Variants in COL4A6 observed in about 807,000 individuals in gnomAD.
COL4A6 encodes collagen alpha-6(IV) chain.
A neutral mutation model predicts 126.7 loss-of-function variants in COL4A6; 59 were observed. The observed-to-expected ratio is 0.47, with a 90% CI of 0.38 to 0.58. The LOEUF (loss-of-function observed/expected upper bound fraction) is 0.58. Ranked by LOEUF, COL4A6 falls within the 20% of genes least tolerant of loss-of-function variation. The pLI is 0.00. For synonymous variants in COL4A6, 547 were observed against 496.6 expected (o/e 1.10, Z -1.35); for missense variants, 1,285 against 1,337.3 (o/e 0.96, Z 0.61).
chrX:108,347,024 T>C (rs1297995191), intron 2 of COL4A6, among the ~76,000 whole-genome samples: 1 of 112,414 alleles, frequency 8.9e-6, no homozygotes, highest in Non-Finnish European at 1.9e-5. Context: ...TATCATATAC[T>C]TTACAAATTT....
intron 3 of COL4A6, among the ~76,000 whole-genome samples, chrX:108,307,867 C>G (rs1057448688): frequency 9.0e-6 from 1 of 111,553 alleles, no homozygotes; most frequent in Non-Finnish European, 1.9e-5. Flanking sequence ...GATGACTAAA[C>G]AGGACCTGGT....
At chrX:108,250,942 C>G (rs919585874) in intron 3 of COL4A6, among the ~76,000 whole-genome samples, 1 of 111,438 alleles carries the variant, frequency 9.0e-6, no homozygotes, top group Non-Finnish European at 1.9e-5. Context: ...TGTCCGGGGC[C>G]TAGGCTGAAC....
At chrX:108,395,526 C>T (rs1215173098) in intron 2 of COL4A6, among the ~76,000 whole-genome samples, 1 of 111,955 alleles carries the variant, frequency 8.9e-6, no homozygotes, top group African/African-American at 3.2e-5. Flanking sequence ...TTCCTTAACC[C>T]AATATCTAGA....
chrX:108,171,187 T>G (rs759845706), intron 33 of COL4A6, among the ~76,000 whole-genome samples, 200 bp downstream of exon 33: 2 of 112,286 alleles, frequency 1.8e-5, no homozygotes, highest in African/African-American at 6.5e-5. Context: ...TAAGGGGATG[T>G]AGGCCATTAT....
intron 3 of COL4A6, among the ~76,000 whole-genome samples, chrX:108,276,627 T>G (rs1244266109): frequency 8.9e-6 from 1 of 111,966 alleles, no homozygotes; most frequent in Non-Finnish European, 1.9e-5. Flanking sequence ...CTAAACTACA[T>G]CCCTTACTGA....
At chrX:108,291,025 A>G (rs2038147186) in intron 3 of COL4A6, among the ~76,000 whole-genome samples, 1 of 112,193 alleles carries the variant, frequency 8.9e-6, no homozygotes, top group Non-Finnish European at 1.9e-5. Context: ...ATTAAGTCCC[A>G]TGTCTTGGGA....
At chrX:108,219,662 G>A in intron 5 of COL4A6, 36 bp downstream of exon 5, 1 of 1,172,684 alleles carries the variant, frequency 8.5e-7, no homozygotes, top group Non-Finnish European at 1.2e-6. Context: ...AGAACCTAAA[G>A]GAGGATATGA....
intron 2 of COL4A6, among the ~76,000 whole-genome samples, chrX:108,335,166 C>G (rs1037620546): frequency 1.8e-5 from 2 of 112,135 alleles, no homozygotes; most frequent in African/African-American, 6.5e-5. Context: ...TCCTGTGGGC[C>G]ACTTTGGTGG....
At chrX:108,201,310 A>G (rs2035386734) in intron 13 of COL4A6, among the ~76,000 whole-genome samples, 2 of 112,126 alleles carry the variant, frequency 1.8e-5, no homozygotes, top group East Asian at 2.8e-4. Flanking sequence ...CAATCCATGA[A>G]AATCTTGTCA....
intron 7 of COL4A6, 137 bp downstream of exon 7, chrX:108,211,535 C>A: frequency 1.9e-6 from 1 of 520,491 alleles, no homozygotes; most frequent in Non-Finnish European, 3.3e-6. Context: ...GCTCCAGATT[C>A]TTTTGAATCC....
chrX:108,391,287 G>T (rs1056312483), intron 2 of COL4A6, among the ~76,000 whole-genome samples: 1 of 111,903 alleles, frequency 8.9e-6, no homozygotes. Context: ...TGCTGAAGCT[G>T]CACCCACAGC....
At chrX:108,172,359 A>G (rs1373797938) in intron 32 of COL4A6, 110 bp downstream of exon 32, 20 of 465,696 alleles carry the variant, frequency 4.3e-5, no homozygotes, top group Middle Eastern at 6.7e-4. Context: ...GACTCTGCCT[A>G]AAAAAGAAAA....
At chrX:108,202,441 A>G (rs1305975513) in intron 13 of COL4A6, among the ~76,000 whole-genome samples, 4 of 112,094 alleles carry the variant, frequency 3.6e-5, no homozygotes, top group African/African-American at 1.3e-4. Flanking sequence ...GATGAGTGTA[A>G]GGATCTAAGC....
rs140900431 is a variant in COL4A6 at position 108,187,125 on chromosome X, G to A, written c.1922C>T (p.Pro641Leu). ...LPGDKGKDGL[P>L]GQQGLPGSKG... Reference sequence around the variant, plus strand: ...AGATCCGGGAAGGCCTTGTTGTCCCGGTAATCCATCCTTGCCTTTATCTCC... The same window carrying A: ...AGATCCGGGAAGGCCTTGTTGTCCCAGTAATCCATCCTTGCCTTTATCTCC... The change falls in exon 23 of 45, where the codon CCG (proline) becomes CTG (leucine). Residue 641 changes from proline to leucine, a missense_variant. Physicochemically the swap from Pro to Leu is moderately conservative, Grantham distance 98. Coordinates refer to ENST00000334504, the MANE Select transcript of COL4A6 (RefSeq NM_033641.4). 282 of 1,170,343 alleles carry A rather than the reference G, an allele frequency of 2.4e-4. 1 individual carries two copies. The East Asian group carries it at 7.2e-3, about 30-fold the overall frequency.
At chrX:108,418,057 A>G (rs1029960295) in intron 2 of COL4A6, among the ~76,000 whole-genome samples, 1 of 112,359 alleles carries the variant, frequency 8.9e-6, no homozygotes, top group African/African-American at 3.2e-5. Flanking sequence ...AAGAAGTGTT[A>G]GATCACCAAG....
chrX:108,189,107 C>G, intron 20 of COL4A6, among the ~76,000 whole-genome samples: 1 of 112,392 alleles, frequency 8.9e-6, no homozygotes, highest in Non-Finnish European at 1.9e-5. Flanking sequence ...GAAGAGGTAT[C>G]AAGGAGTCAC....
intron 8 of COL4A6, 44 bp downstream of exon 8, chrX:108,209,925 T>C (rs1291654972): frequency 8.4e-7 from 1 of 1,193,131 alleles, no homozygotes; most frequent in Non-Finnish European, 1.1e-6. Context: ...CCATTAGTGA[T>C]TTTTAGTCAA....
intron 27 of COL4A6, among the ~76,000 whole-genome samples, 172 bp downstream of exon 27, chrX:108,178,512 C>T (rs2148114558): frequency 8.9e-6 from 1 of 112,529 alleles, no homozygotes; most frequent in East Asian, 2.8e-4. Flanking sequence ...GCAATCTGTT[C>T]TGCTTGGTAC....
chrX:108,282,317 C>G (rs1285999741), intron 3 of COL4A6, among the ~76,000 whole-genome samples: 1 of 104,159 alleles, frequency 9.6e-6, no homozygotes, highest in Non-Finnish European at 2.0e-5. Context: ...ACAAACAACC[C>G]CATCAAAAAG....
Sources: allele counts gnomAD v4.1 joint callset (sites outside exome capture counted in the v4.1 genomes callset), GRCh38; gene constraint gnomAD v4.1.1; transcripts MANE v1.5; gene names NCBI Gene and HGNC (gene_info 2026-07-23, HGNC 2026-07-21).